CLMN: variants seen among roughly 807,000 people sequenced by gnomAD.
CLMN encodes the protein calmin (calponin-like, transmembrane).
Under a neutral mutation model 92.7 loss-of-function variants are expected in CLMN, and 57 were observed. The ratio of observed to expected loss-of-function variants is 0.61; its 90% CI spans 0.50 to 0.77. The LOEUF (loss-of-function observed/expected upper bound fraction) is 0.77. Among genes scored for constraint, CLMN ranks in the 30% least tolerant of loss-of-function variants. The pLI is 0.00. For missense variants in CLMN, 1,158 were observed against 1,237.5 expected (o/e 0.94, Z 0.96); for synonymous variants, 466 against 470.6 (o/e 0.99, Z 0.13).
In CLMN at chr14:95,194,645, T is replaced by C. The variant is rs1363742064; in HGVS notation, c.2709-49A>G. ...AATTGGTACCACCTGGAGCTCTTCA[T>C]GGCTCAGTTGTACGGTCACCCCCAT... On this transcript the variant is annotated intron_variant, in intron 10 of 12. Coordinates refer to ENST00000298912, the MANE Select transcript of CLMN (RefSeq NM_024734.4). The surrounding 1 kb of genome is among the most constrained non-coding windows in gnomAD (Gnocchi z 4.0). The C allele has an allele frequency of 6.4e-7, 1 of 1,569,624 alleles. No homozygotes were observed. Among genetic ancestry groups the C allele is most frequent in the African/African-American group, 1.3e-5 (1 of 74,200 alleles).
At chr14:95,260,798 G>T (rs542704167) in intron 1 of CLMN, among the ~76,000 whole-genome samples, 84 of 152,244 alleles carry the variant, frequency 5.5e-4, no homozygotes, top group Admixed American at 1.5e-3. Context: ...TATCTCCATT[G>T]TCCAAATGAA....
intron 1 of CLMN, among the ~76,000 whole-genome samples, chr14:95,280,266 G>A (rs564228697): frequency 6.6e-6 from 1 of 152,326 alleles, no homozygotes; most frequent in African/African-American, 2.4e-5. Flanking sequence ...ACTGATTAAA[G>A]TTGGATAAAT....
Position 95,204,402 on chromosome 14 carries a change from T to A in CLMN, c.947A>T (p.Glu316Val). 6.2e-7 allele frequency: 1 copy of A among 1,613,722 alleles called. No homozygotes were observed. Among genetic ancestry groups the A allele is most frequent in the Non-Finnish European group, 8.5e-7 (1 of 1,179,884 alleles). The part of the protein sequence containing the change: ...PIESTFVRIK[E>V]TPSEQESKVF... ...TTTGCTCTCCTGTTCAGAAGGAGTT[T>A]CTTTGATGCGAACAAAAGTGGATTC... The change falls in exon 9 of 13, where the codon GAA (glutamate) becomes GTA (valine). Residue 316 changes from glutamate to valine, a missense_variant. Transcript: ENST00000298912.
At chr14:95,274,065 C>G (rs1352028010) in intron 1 of CLMN, among the ~76,000 whole-genome samples, 1 of 152,168 alleles carries the variant, frequency 6.6e-6, no homozygotes, top group African/African-American at 2.4e-5. Context: ...TACCCGGGTT[C>G]TGGCTTATCA....
intron 3 of CLMN, among the ~76,000 whole-genome samples, chr14:95,222,032 T>C (rs567913767): frequency 7.9e-5 from 12 of 152,252 alleles, no homozygotes; most frequent in Non-Finnish European, 1.8e-4. Flanking sequence ...AGTTGGTGAG[T>C]TGGGGGGAAC....
At position 95,215,665 on chromosome 14, in the gene CLMN, T is replaced by C. The variant is rs767403582; in HGVS notation, c.393A>G (p.Ile131Met). 24 of 1,613,996 alleles carry C rather than the reference T, an allele frequency of 1.5e-5. No individual in the cohort carries two copies. In the Admixed American group the frequency reaches 1.8e-4, roughly 12 times the overall value. Residue 131 changes from isoleucine to methionine, a missense_variant, in exon 5 of 13, where the codon ATA becomes ATG. Physicochemically the swap from Ile to Met is conservative, Grantham distance 10. Coordinates refer to ENST00000298912, the MANE Select transcript of CLMN (RefSeq NM_024734.4). ...CCTGGAAGAAGAGGATTATGTTCCA[T>C]ATCAGCCCAAGAACCAAAGAAGGGT... Reference protein sequence around the residue: ...DGNPSLVLGLIWNIILFFQIK... With the variant: ...DGNPSLVLGLMWNIILFFQIK...
intron 1 of CLMN, among the ~76,000 whole-genome samples, chr14:95,295,331 C>T (rs55786549): frequency 1.3e-5 from 2 of 152,150 alleles, no homozygotes; most frequent in Admixed American, 1.3e-4. Context: ...CAGAGCTATC[C>T]TTCACTCAAC....
intron 1 of CLMN, among the ~76,000 whole-genome samples, chr14:95,264,605 G>C (rs1474461734): frequency 1.3e-5 from 2 of 152,028 alleles, no homozygotes; most frequent in African/African-American, 4.8e-5. Context: ...GGCCTCCCAG[G>C]GTCCATGCCC....
At chr14:95,241,284 C>T (rs1232277173) in intron 1 of CLMN, among the ~76,000 whole-genome samples, 1 of 152,002 alleles carries the variant, frequency 6.6e-6, no homozygotes, top group African/African-American at 2.4e-5. Flanking sequence ...CCTCCTGGGG[C>T]ATGGGACATT....
At chr14:95,258,631 G>C (rs540625226) in intron 1 of CLMN, among the ~76,000 whole-genome samples, 1 of 148,032 alleles carries the variant, frequency 6.8e-6, no homozygotes, top group East Asian at 2.0e-4. Context: ...TGTATGTGTG[G>C]TGTGTGGTGT....
chr14:95,218,280 AG>A (rs1897416912), intron 4 of CLMN, among the ~76,000 whole-genome samples: 1 of 152,168 alleles, frequency 6.6e-6, no homozygotes, highest in Non-Finnish European at 1.5e-5. Context: ...CAGTTCCTTT[AG>A]TGTTTACAAT....
At chr14:95,202,741 C>T (rs1896918851) in intron 9 of CLMN, 97 bp downstream of exon 9, 3 of 1,312,296 alleles carry the variant, frequency 2.3e-6, no homozygotes, top group African/African-American at 3.0e-5. Context: ...GAAGCCCCCT[C>T]ATCGCTATTT....
rs753470058 is a variant in CLMN at position 95,203,113 on chromosome 14, C to T, written c.2236G>A (p.Asp746Asn). 3.0e-5 allele frequency: 48 copies of T among 1,613,322 alleles called. No individual in the cohort carries two copies. The highest frequency in any genetic ancestry group is 4.0e-5 in the Non-Finnish European group (47 of 1,180,038). The change falls in exon 9 of 13, where the codon GAC becomes AAC. Residue 746 changes from aspartate to asparagine, a missense_variant. Physicochemically the swap from Asp to Asn is conservative, Grantham distance 23. Transcript: ENST00000298912. ...LAAVLEAYVE[D>N]PEDLKNEEMD... ...TCTTCATTTTTTAGATCCTCCGGGT[C>T]TTCTACATAAGCCTCCAAAACTGCA...
chr14:95,294,597 G>C lies in CLMN; in HGVS notation c.82+25114C>G, dbSNP rs1410124031. On this transcript the variant is annotated intron_variant, in intron 1 of 12. Transcript: ENST00000298912. The surrounding 1 kb of genome is among the most constrained non-coding windows in gnomAD (Gnocchi z 4.2). ...GTTACCTCCTGGTCTCTACCTTGTA[G>C]AAAAGGGCACTTATTTTCAGGTGTG... Among the ~76,000 whole-genome samples, 1 of 152,214 alleles carries C rather than the reference G, an allele frequency of 6.6e-6. No individual in the cohort carries two copies. The highest frequency in any genetic ancestry group is 1.5e-5 in the Non-Finnish European group (1 of 68,042).
chr14:95,319,651 A>G, intron 1 of CLMN, 60 bp downstream of exon 1: 1 of 1,380,798 alleles, frequency 7.2e-7, no homozygotes, highest in South Asian at 1.2e-5. Flanking sequence ...CAAGTGTCGG[A>G]GCGGCGCCCC....
chr14:95,240,140 C>A (rs1346169120), intron 1 of CLMN, among the ~76,000 whole-genome samples: 1 of 152,212 alleles, frequency 6.6e-6, no homozygotes, highest in Non-Finnish European at 1.5e-5. Flanking sequence ...AATGTTTGTA[C>A]AACAAAATCG....
chr14:95,247,152 C>T (rs1419359309), intron 1 of CLMN, among the ~76,000 whole-genome samples: 3 of 152,154 alleles, frequency 2.0e-5, no homozygotes, highest in Non-Finnish European at 2.9e-5. Flanking sequence ...AACATCCATC[C>T]CTGATTGGAT....
At chr14:95,291,757 C>G (rs1191458685) in intron 1 of CLMN, among the ~76,000 whole-genome samples, 1 of 152,150 alleles carries the variant, frequency 6.6e-6, no homozygotes, top group African/African-American at 2.4e-5. Flanking sequence ...CAAGGAGGTT[C>G]AGCAGGAGGT....
At chr14:95,273,973 A>C (rs1002078155) in intron 1 of CLMN, among the ~76,000 whole-genome samples, 2 of 152,192 alleles carry the variant, frequency 1.3e-5, no homozygotes, top group African/African-American at 4.8e-5. Flanking sequence ...CGCTCAACTC[A>C]GCTGTCTGAT....
Sources: allele counts gnomAD v4.1 joint callset (sites outside exome capture counted in the v4.1 genomes callset), GRCh38; gene constraint gnomAD v4.1.1; non-coding constraint Gnocchi (gnomAD v3.1); transcripts MANE v1.5; gene names NCBI Gene and HGNC (gene_info 2026-07-23, HGNC 2026-07-21).